The following APOO variants were observed in gnomAD, a reference collection of about 807,000 sequenced individuals.
APOO encodes the protein apolipoprotein O.
In APOO, 11 loss-of-function variants were observed where a neutral mutation model predicts 23.1. The ratio of observed to expected loss-of-function variants is 0.48; its 90% CI spans 0.30 to 0.79. The LOEUF (loss-of-function observed/expected upper bound fraction) is 0.79, where lower values mean the gene tolerates loss of function less well. Among genes scored for constraint, APOO ranks in the 30% least tolerant of loss-of-function variants. APOO has a pLI of 0.07. For missense variants in APOO, 160 were observed against 142.7 expected (o/e 1.12, Z -0.62); for synonymous variants, 59 against 54.8 (o/e 1.08, Z -0.34).
intron 1 of APOO, among the ~76,000 whole-genome samples, chrX:23,900,615 C>T (rs755189047): frequency 4.1e-5 from 4 of 98,111 alleles, no homozygotes; most frequent in South Asian, 5.1e-4. Flanking sequence ...GCGGAGGGTG[C>T]GGAGAGCCAA....
intron 1 of APOO, among the ~76,000 whole-genome samples, chrX:23,888,262 G>A (rs1183325219): frequency 8.9e-6 from 1 of 112,299 alleles, no homozygotes; most frequent in East Asian, 2.8e-4. Flanking sequence ...GGGGTAGGCT[G>A]TCATCATCTT....
At chrX:23,850,581 C>T (rs966802921) in intron 7 of APOO, among the ~76,000 whole-genome samples, 9 of 111,850 alleles carry the variant, frequency 8.0e-5, no homozygotes, top group African/African-American at 2.9e-4. Flanking sequence ...AATCCCAACA[C>T]TTTGGGAGGC....
intron 8 of APOO, chrX:23,837,071 C>CTA (rs1271778380): frequency 1.4e-6 from 1 of 718,751 alleles, no homozygotes; most frequent in Non-Finnish European, 2.1e-6. Flanking sequence ...CCCAGTGTAA[C>CTA]ACCCTTGATC....
chrX:23,850,449 T>C (rs1201848127), intron 7 of APOO, among the ~76,000 whole-genome samples: 8 of 112,205 alleles, frequency 7.1e-5, no homozygotes, highest in South Asian at 7.3e-4. Context: ...AGAAAAATTC[T>C]TCACAAATTA....
At chrX:23,844,211 C>T (rs1328117427) in intron 7 of APOO, among the ~76,000 whole-genome samples, 1 of 111,641 alleles carries the variant, frequency 9.0e-6, no homozygotes, top group South Asian at 3.7e-4. Context: ...TATGGCAGGC[C>T]ACTTTATTTT....
At chrX:23,857,372 T>C (rs1486042896) in intron 6 of APOO, among the ~76,000 whole-genome samples, 1 of 110,926 alleles carries the variant, frequency 9.0e-6, no homozygotes, top group East Asian at 2.8e-4. Flanking sequence ...CAGGCTGAAA[T>C]AATGTTTAAT....
chrX:23,838,750 A>AT (rs1923836971), intron 8 of APOO, among the ~76,000 whole-genome samples: 1 of 111,574 alleles, frequency 9.0e-6, no homozygotes, highest in Non-Finnish European at 1.9e-5. Flanking sequence ...AGCTAAAAAC[A>AT]TTTTTTACAA....
intron 1 of APOO, among the ~76,000 whole-genome samples, chrX:23,904,782 A>G: frequency 9.0e-6 from 1 of 111,270 alleles, no homozygotes; most frequent in Non-Finnish European, 1.9e-5. Flanking sequence ...CTGGGATTAC[A>G]GGCGTGAGCC....
chrX:23,894,854 T>C (rs1926829010), intron 1 of APOO, among the ~76,000 whole-genome samples: 1 of 109,400 alleles, frequency 9.1e-6, no homozygotes, highest in African/African-American at 3.3e-5. Context: ...TGGTAAAGAA[T>C]AGAGAATGGG....
chrX:23,839,082 T>C (rs1468061148), intron 8 of APOO, among the ~76,000 whole-genome samples: 5 of 112,066 alleles, frequency 4.5e-5, no homozygotes, highest in Non-Finnish European at 7.5e-5. Context: ...GCACATCCCA[T>C]GCATATCTGG....
intron 5 of APOO, among the ~76,000 whole-genome samples, chrX:23,867,655 G>A (rs1352236801): frequency 3.6e-5 from 4 of 111,093 alleles, no homozygotes; most frequent in East Asian, 2.8e-4. Flanking sequence ...CCGTTCTCCT[G>A]CCTCAGCCTC....
Position 23,907,718 on chromosome X carries a change from G to C in APOO, c.-16C>G. 1 of 1,160,696 alleles carries C rather than the reference G, an allele frequency of 8.6e-7. No individual in the cohort carries two copies. The highest frequency in any genetic ancestry group is 1.1e-6 in the Non-Finnish European group (1 of 870,655). On this transcript the variant is annotated 5_prime_UTR_variant, in exon 1 of 9. Transcript: ENST00000379226. ...CCTTGAACATGTCGCTGGCAGCGGA[G>C]GCTCCGGCAGGGTCACCCCGGCCTC... is the stretch of plus-strand genomic sequence containing the variant.
At chrX:23,852,854 C>T (rs944340755) in intron 7 of APOO, among the ~76,000 whole-genome samples, 1 of 110,517 alleles carries the variant, frequency 9.0e-6, no homozygotes, top group African/African-American at 3.3e-5. Flanking sequence ...TCCTTATCTC[C>T]TTTACTAGAT....
At chrX:23,875,106 C>T (rs761548088) in intron 3 of APOO, among the ~76,000 whole-genome samples, 105 of 109,939 alleles carry the variant, frequency 9.6e-4, no homozygotes, top group African/African-American at 3.2e-3. Flanking sequence ...AAAAATTAGC[C>T]GGGCGTGGTG....
At chrX:23,874,137 C>CT (rs1332170608) in intron 4 of APOO, among the ~76,000 whole-genome samples, 3 of 111,046 alleles carry the variant, frequency 2.7e-5, no homozygotes, top group African/African-American at 9.8e-5. Flanking sequence ...AATGAGATTT[C>CT]TTTTTTTTAA....
intron 7 of APOO, among the ~76,000 whole-genome samples, chrX:23,847,278 A>C (rs1315818761): frequency 8.9e-6 from 1 of 111,925 alleles, no homozygotes; most frequent in Non-Finnish European, 1.9e-5. Flanking sequence ...AAAACTATCA[A>C]ATATGTTTAA....
chrX:23,890,434 G>A (rs761540753), intron 1 of APOO, among the ~76,000 whole-genome samples: 1 of 112,090 alleles, frequency 8.9e-6, no homozygotes, highest in South Asian at 3.7e-4. Context: ...GCCACGAGAA[G>A]AGCTTCTAGA....
intron 5 of APOO, among the ~76,000 whole-genome samples, chrX:23,861,807 T>C (rs1925054108): frequency 9.9e-6 from 1 of 101,515 alleles, no homozygotes; most frequent in African/African-American, 3.6e-5. Context: ...TTTTTTTTTT[T>C]TTTTTTTTTT....
chrX:23,896,307 G>A (rs907715501), intron 1 of APOO, among the ~76,000 whole-genome samples: 1 of 110,717 alleles, frequency 9.0e-6, no homozygotes, highest in Admixed American at 9.7e-5. Flanking sequence ...TTGTCTATAG[G>A]TGGTGATATT....
Sources: allele counts gnomAD v4.1 joint callset (sites outside exome capture counted in the v4.1 genomes callset), GRCh38; gene constraint gnomAD v4.1.1; transcripts MANE v1.5; gene names NCBI Gene and HGNC (gene_info 2026-07-23, HGNC 2026-07-21).